The following MIA2 variants were observed in gnomAD, a reference collection of about 807,000 sequenced individuals.
The protein encoded by MIA2 is MIA SH3 domain ER export factor 2.
Under a neutral mutation model 167.8 loss-of-function variants are expected in MIA2, and 127 were observed. The observed-to-expected ratio is 0.76, with a 90% CI of 0.66 to 0.88. The LOEUF is 0.88. Ranked by LOEUF, MIA2 falls within the 40% of genes least tolerant of loss-of-function variation. MIA2 has a pLI of 0.00. For missense variants in MIA2, 1,690 were observed against 1,624.7 expected (o/e 1.04, Z -0.69); for synonymous variants, 552 against 541.9 (o/e 1.02, Z -0.26).
intron 25 of MIA2, among the ~76,000 whole-genome samples, chr14:39,343,149 A>G (rs1376365204): frequency 6.6e-6 from 1 of 151,898 alleles, no homozygotes; most frequent in African/African-American, 2.4e-5. Context: ...CTTATTTTCA[A>G]TTTTTATTTT....
At chr14:39,248,409 G>A (rs772620529) in intron 4 of MIA2, among the ~76,000 whole-genome samples, 9 of 150,662 alleles carry the variant, frequency 6.0e-5, no homozygotes, top group Admixed American at 1.3e-4. Flanking sequence ...AATATTGTAT[G>A]TAAATAGTTT....
intron 4 of MIA2, among the ~76,000 whole-genome samples, chr14:39,250,294 G>A (rs1428965597): frequency 6.6e-6 from 1 of 152,188 alleles, no homozygotes; most frequent in African/African-American, 2.4e-5. Flanking sequence ...TTAGCTGGGA[G>A]TGTTGGTGTG....
chr14:39,353,494 T>G (rs147864664), downstream of MIA2, among the ~76,000 whole-genome samples: 519 of 152,336 alleles, frequency 3.4e-3, 3 homozygotes, highest in Non-Finnish European at 3.8e-3. Context: ...GAATTCCAGT[T>G]CCATCCATGT....
intron 10 of MIA2, among the ~76,000 whole-genome samples, chr14:39,292,295 A>G (rs1339304587): frequency 6.6e-6 from 1 of 152,222 alleles, no homozygotes; most frequent in Non-Finnish European, 1.5e-5. Flanking sequence ...AGGATAAAAT[A>G]TTACACATCA....
At chr14:39,290,877 TA>T (rs1180633034) in intron 9 of MIA2, 141 bp from the exon 10 acceptor site, 6 of 737,210 alleles carry the variant, frequency 8.1e-6, no homozygotes, top group Non-Finnish European at 1.3e-5. Context: ...TGGTCAGATT[TA>T]AAAAACTTAA....
chr14:39,256,129 GC>G (rs1292423695), intron 6 of MIA2, among the ~76,000 whole-genome samples: 1 of 152,180 alleles, frequency 6.6e-6, no homozygotes, highest in Admixed American at 6.5e-5. Flanking sequence ...TTTTTCTGGA[GC>G]AAAAAGAAAC....
intron 24 of MIA2, among the ~76,000 whole-genome samples, chr14:39,325,534 A>AT (rs1235881728): frequency 1.4e-5 from 2 of 144,450 alleles, no homozygotes; most frequent in South Asian, 2.2e-4. Flanking sequence ...TGCCCGGCTA[A>AT]TTTTTTGTAT....
At chr14:39,305,703 A>G (rs780017721) in intron 17 of MIA2, among the ~76,000 whole-genome samples, 46 of 152,350 alleles carry the variant, frequency 3.0e-4, no homozygotes, top group Non-Finnish European at 5.3e-4. Flanking sequence ...TGGGAGGCCA[A>G]CGTGGGTGGA....
intron 23 of MIA2, chr14:39,386,341 A>G: frequency 1.3e-6 from 2 of 1,520,200 alleles, no homozygotes; most frequent in Non-Finnish European, 1.8e-6. Context: ...CTTCATCACA[A>G]GACTCAGACT....
At chr14:39,339,147 G>A (rs1300670611) in intron 25 of MIA2, among the ~76,000 whole-genome samples, 1 of 152,146 alleles carries the variant, frequency 6.6e-6, no homozygotes, top group Non-Finnish European at 1.5e-5. Flanking sequence ...TAGGGTTTGC[G>A]CTTCTATGAG....
intron 21 of MIA2, among the ~76,000 whole-genome samples, chr14:39,317,281 A>G (rs1238163885): frequency 2.6e-5 from 4 of 152,218 alleles, no homozygotes; most frequent in Non-Finnish European, 5.9e-5. Flanking sequence ...ACTGAGCAGT[A>G]GCTTGTCACA....
intron 6 of MIA2, among the ~76,000 whole-genome samples, chr14:39,268,144 A>C (rs553379909): frequency 6.6e-6 from 1 of 152,312 alleles, no homozygotes; most frequent in East Asian, 1.9e-4. Flanking sequence ...ATCAAGTTGT[A>C]GAGATTTTTC....
At chr14:39,285,724 A>T (rs1263201196) in intron 9 of MIA2, among the ~76,000 whole-genome samples, 10 of 64,868 alleles carry the variant, frequency 1.5e-4, no homozygotes, top group South Asian at 5.1e-4. Context: ...CACTTCCCAG[A>T]CGGGGCAGCT....
At chr14:39,361,760 G>A (rs1218077215) in intron 23 of MIA2, among the ~76,000 whole-genome samples, 1 of 152,042 alleles carries the variant, frequency 6.6e-6, no homozygotes, top group African/African-American at 2.4e-5. Flanking sequence ...ATATTTGATA[G>A]GAGTCATAAA....
intron 9 of MIA2, among the ~76,000 whole-genome samples, chr14:39,288,471 A>ATTTT (rs1428823924): frequency 1.9e-5 from 1 of 51,652 alleles, no homozygotes; most frequent in Admixed American, 3.5e-4. Context: ...ATATATATAT[A>ATTTT]TATATTTTTT....
chr14:39,297,585 A>G (rs1249694354), intron 13 of MIA2, among the ~76,000 whole-genome samples: 2 of 151,598 alleles, frequency 1.3e-5, no homozygotes, highest in African/African-American at 4.9e-5. Context: ...TGTTTTCAGT[A>G]TGTTACTTCC....
intron 19 of MIA2, among the ~76,000 whole-genome samples, chr14:39,314,107 C>T (rs752024735): frequency 3.3e-5 from 5 of 152,122 alleles, no homozygotes; most frequent in Non-Finnish European, 5.9e-5. Context: ...CACATCTGGC[C>T]GGGCATGGTG....
chr14:39,267,127 C>G (rs759861554), intron 6 of MIA2: 13 of 1,148,934 alleles, frequency 1.1e-5, no homozygotes, highest in Non-Finnish European at 1.4e-5. Flanking sequence ...CTGTCCGCGC[C>G]TCCCCGCCTT....
downstream of MIA2, chr14:39,351,205 T>G (rs2074355952): frequency 6.6e-6 from 1 of 152,070 alleles, no homozygotes; most frequent in South Asian, 2.1e-4. Flanking sequence ...GTTGCCCAGT[T>G]GGTTGTTTTA....
Sources: gnomAD v4.1 joint callset for allele counts (sites outside exome capture counted in the v4.1 genomes callset) on GRCh38, gnomAD v4.1.1 for gene constraint, MANE v1.5 for transcripts, NCBI Gene and HGNC (gene_info 2026-07-23, HGNC 2026-07-21) for gene names.